Variants in KIAA1217 observed in about 807,000 individuals in gnomAD.
KIAA1217 encodes sickle tail protein homolog.
A neutral mutation model predicts 163.9 loss-of-function variants in KIAA1217; 88 were observed. The ratio of observed to expected loss-of-function variants is 0.54; its 90% CI spans 0.45 to 0.64. The LOEUF (loss-of-function observed/expected upper bound fraction) is 0.64, where lower values mean the gene tolerates loss of function less well. KIAA1217 is among the 30% of genes least tolerant of loss of function. The probability of loss-of-function intolerance (pLI) is 0.00; values close to 1 mark genes in which losing one functional copy is unlikely to be tolerated. For missense variants in KIAA1217, 2,372 were observed against 2,475.0 expected, an observed-to-expected ratio of 0.96 and a Z score of 0.88; for synonymous variants, 903 against 923.1, an observed-to-expected ratio of 0.98 and a Z score of 0.39.
intron 1 of KIAA1217, among the ~76,000 whole-genome samples, chr10:23,774,235 G>A (rs1404462955): frequency 6.6e-6 from 1 of 152,208 alleles, no homozygotes; most frequent in African/African-American, 2.4e-5. Context: ...CTTTCCCTGT[G>A]AAAACACTTC....
At chr10:24,211,388 T>A (rs12253811) in intron 1 of KIAA1217, among the ~76,000 whole-genome samples, 51,451 of 112,798 alleles carry the variant, frequency 0.46, 10,620 homozygotes, top group East Asian at 0.58. Context: ...TTTTTTTTTT[T>A]TTAGAGAGGG....
intron 1 of KIAA1217, among the ~76,000 whole-genome samples, chr10:23,838,258 T>C (rs1298606503): frequency 2.0e-5 from 3 of 152,198 alleles, no homozygotes; most frequent in Non-Finnish European, 2.9e-5. Flanking sequence ...CTTAAGACTT[T>C]GGAAAAATGA....
At chr10:24,527,835 T>C in intron 13 of KIAA1217, 101 bp from the exon 14 acceptor site, 2 of 843,276 alleles carry the variant, frequency 2.4e-6, no homozygotes, top group Non-Finnish European at 3.8e-6. Context: ...TTTTTCCTGA[T>C]CCTCTCCTTC....
intron 1 of KIAA1217, among the ~76,000 whole-genome samples, chr10:23,800,576 A>G (rs1257996815): frequency 6.6e-6 from 1 of 152,152 alleles, no homozygotes; most frequent in African/African-American, 2.4e-5. Context: ...ATAAAAGGAC[A>G]CTGTGTGATT....
chr10:24,546,104 G>A lies in KIAA1217; in HGVS notation c.5612G>A (p.Gly1871Asp), dbSNP rs768673575. The A allele has an allele frequency of 6.2e-7, 1 of 1,614,114 alleles. No individual in the cohort carries two copies. Among genetic ancestry groups the A allele is most frequent in the South Asian group, 1.1e-5 (1 of 91,078 alleles). The change falls in exon 21 of 21, where the codon GGT becomes GAT. Residue 1871 changes from glycine (G) to aspartate (D), a missense_variant. This residue lies in a region of KIAA1217 where 690 missense variants were observed against 677.5 expected (regional missense o/e 1.02). Coordinates refer to ENST00000376454, the MANE Select transcript of KIAA1217 (RefSeq NM_019590.5). Reference sequence around the variant, plus strand: ...AAGTTTCAGAGCCTCACTCATACAGGTAAAGGTCACCATCTTTCATTCTCA... The same window carrying A: ...AAGTTTCAGAGCCTCACTCATACAGATAAAGGTCACCATCTTTCATTCTCA... ...SLKFQSLTHTGKGHHLSFSPQ... is the reference protein window; with the variant it reads ...SLKFQSLTHTDKGHHLSFSPQ...
intron 1 of KIAA1217, among the ~76,000 whole-genome samples, chr10:23,911,054 G>A (rs563296936): frequency 6.7e-4 from 102 of 152,308 alleles, no homozygotes; most frequent in African/African-American, 2.4e-3. Flanking sequence ...CAGATGGCGA[G>A]TCAAGTTCTA....
chr10:24,181,782 A>T (rs1261704897), intron 2 of KIAA1217, among the ~76,000 whole-genome samples: 1 of 152,042 alleles, frequency 6.6e-6, no homozygotes, highest in East Asian at 1.9e-4. Context: ...TTTTTGGGTG[A>T]GAGAAAGGGA....
At chr10:24,238,521 CA>C (rs2072593633) in intron 2 of KIAA1217, among the ~76,000 whole-genome samples, 1 of 152,070 alleles carries the variant, frequency 6.6e-6, no homozygotes, top group African/African-American at 2.4e-5. Flanking sequence ...GATAGACATG[CA>C]AAATATCTGG....
intron 1 of KIAA1217, among the ~76,000 whole-genome samples, chr10:23,899,808 C>T (rs1211585539): frequency 2.0e-5 from 3 of 151,944 alleles, no homozygotes; most frequent in Non-Finnish European, 4.4e-5. Flanking sequence ...ATGCCACACA[C>T]GATAAAGTCT....
At chr10:24,403,804 A>G (rs1437112453) in intron 3 of KIAA1217, among the ~76,000 whole-genome samples, 1 of 152,222 alleles carries the variant, frequency 6.6e-6, no homozygotes, top group Admixed American at 6.5e-5. Flanking sequence ...ACAGTGAGGT[A>G]GCACTACCCA....
chr10:23,930,333 A>G (rs571677443), intron 1 of KIAA1217, among the ~76,000 whole-genome samples: 2 of 151,912 alleles, frequency 1.3e-5, no homozygotes, highest in Non-Finnish European at 2.9e-5. Context: ...AAAAATGTCA[A>G]CCTTCTATAA....
intron 2 of KIAA1217, among the ~76,000 whole-genome samples, chr10:24,299,991 A>C (rs1283905016): frequency 1.3e-5 from 2 of 152,164 alleles, no homozygotes; most frequent in Non-Finnish European, 2.9e-5. Context: ...TTCCAGATGC[A>C]AGAGATATAG....
At chr10:24,468,613 A>G (rs927874877) in intron 5 of KIAA1217, among the ~76,000 whole-genome samples, 19 of 152,186 alleles carry the variant, frequency 1.2e-4, no homozygotes, top group Non-Finnish European at 1.5e-5. Context: ...GGATGATGGC[A>G]AGATTATTTT....
chr10:23,961,318 A>G (rs1361681013), intron 1 of KIAA1217, among the ~76,000 whole-genome samples: 1 of 152,216 alleles, frequency 6.6e-6, no homozygotes, highest in African/African-American at 2.4e-5. Context: ...TTATTATCCA[A>G]AAATAATATT....
intron 2 of KIAA1217, among the ~76,000 whole-genome samples, chr10:24,355,687 C>T (rs1229957571): frequency 1.4e-5 from 2 of 145,016 alleles, no homozygotes; most frequent in Non-Finnish European, 3.0e-5. Flanking sequence ...CTTCTGTCGC[C>T]ACAGCTGAGC....
At chr10:23,755,060 A>C (rs1833855323) in intron 1 of KIAA1217, among the ~76,000 whole-genome samples, 1 of 152,150 alleles carries the variant, frequency 6.6e-6, no homozygotes, top group African/African-American at 2.4e-5. Flanking sequence ...CAAATCACAG[A>C]CTGTGTAATT....
At chr10:24,337,890 G>T (rs888456633) in intron 2 of KIAA1217, among the ~76,000 whole-genome samples, 7 of 152,004 alleles carry the variant, frequency 4.6e-5, no homozygotes, top group Admixed American at 1.3e-4. Flanking sequence ...TGATCTACCC[G>T]CCTTGGCCTC....
chr10:23,746,568 C>T (rs534977526), intron 1 of KIAA1217, among the ~76,000 whole-genome samples: 58 of 152,092 alleles, frequency 3.8e-4, no homozygotes, highest in African/African-American at 1.0e-3. Flanking sequence ...GGACTACAGG[C>T]GCCCGCCACC....
At chr10:24,342,728 G>A (rs1428067183) in intron 2 of KIAA1217, among the ~76,000 whole-genome samples, 2 of 147,888 alleles carry the variant, frequency 1.4e-5, no homozygotes, top group South Asian at 2.1e-4. Context: ...GCGCAATCTC[G>A]GCTCACTGCA....
Sources: gnomAD v4.1 joint callset for allele counts (sites outside exome capture counted in the v4.1 genomes callset) on GRCh38, gnomAD v4.1.1 for gene constraint, gnomAD v4.1.1 regional missense constraint, MANE v1.5 for transcripts, NCBI Gene and HGNC (gene_info 2026-07-23, HGNC 2026-07-21) for gene names.